ABCA13: variants seen among roughly 807,000 people sequenced by gnomAD.
ABCA13 encodes ATP-binding cassette sub-family A member 13.
In ABCA13, 476 loss-of-function variants were observed where a neutral mutation model predicts 478.7. That is an observed-to-expected ratio of 0.99 (90% CI 0.92 to 1.07). The LOEUF is 1.07. ABCA13 is among the 50% of genes least tolerant of loss of function. ABCA13 has a pLI of 0.00. For synonymous variants in ABCA13, 2,252 were observed against 2,158.9 expected, an observed-to-expected ratio of 1.04 and a Z score of -1.20; for missense variants, 6,060 against 5,910.6, an observed-to-expected ratio of 1.03 and a Z score of -0.83.
rs1458931190 is a variant in ABCA13 at position 48,306,192 on chromosome 7, G to A, written c.9322-3755G>A. 2.0e-5 allele frequency among the ~76,000 whole-genome samples: 3 copies of A among 152,318 alleles called. No homozygotes were observed. In the East Asian group the frequency reaches 5.8e-4, roughly 29 times the overall value. ...GGCTTCTGTGCATTGTGACTGCGGA[G>A]CTTCCACATGACAGGGTGTGGGATC... On this transcript the variant is annotated intron_variant, in intron 23 of 61. Transcript: ENST00000435803.
chr7:48,293,348 A>G (rs1467831054), intron 20 of ABCA13, among the ~76,000 whole-genome samples: 2 of 152,178 alleles, frequency 1.3e-5, no homozygotes, highest in Non-Finnish European at 2.9e-5. Context: ...GGCCACTTGA[A>G]TGATTCATGA....
intron 23 of ABCA13, among the ~76,000 whole-genome samples, chr7:48,308,674 T>C (rs536754800): frequency 6.6e-6 from 1 of 152,076 alleles, no homozygotes; most frequent in South Asian, 2.1e-4. Context: ...ATGTGGTTTG[T>C]CATCATGTAC....
chr7:48,541,013 A>C (rs1401861460), intron 55 of ABCA13, among the ~76,000 whole-genome samples: 1 of 152,156 alleles, frequency 6.6e-6, no homozygotes, highest in Non-Finnish European at 1.5e-5. Context: ...ATTTAAGACT[A>C]AGATTTGTTT....
chr7:48,638,644 T>C (rs1794876783), intron 59 of ABCA13, among the ~76,000 whole-genome samples: 1 of 152,140 alleles, frequency 6.6e-6, no homozygotes, highest in Non-Finnish European at 1.5e-5. Flanking sequence ...TAACTGAAGT[T>C]GAAATAATAA....
chr7:48,538,936 A>T (rs1833779045), intron 55 of ABCA13, among the ~76,000 whole-genome samples: 1 of 152,210 alleles, frequency 6.6e-6, no homozygotes, highest in Non-Finnish European at 1.5e-5. Context: ...TTGGCCTACA[A>T]ACTTTGCTGA....
chr7:48,588,340 A>T lies in ABCA13; in HGVS notation c.14640+1052A>T, dbSNP rs143256583. On this transcript the variant is annotated intron_variant, in intron 57 of 61. Transcript: ENST00000435803. The stretch of plus-strand genomic sequence containing the variant: ...AACATGAGGCAGGATTATGTTGAGT[A>T]GTTAACAAGACGTGGGCATTCATTA... 1.8e-3 allele frequency among the ~76,000 whole-genome samples: 278 copies of T among 152,356 alleles called. 1 individual carries two copies. The highest frequency in any genetic ancestry group is 6.3e-3 in the African/African-American group (262 of 41,588).
At chr7:48,303,361 T>C (rs1228465739) in intron 23 of ABCA13, among the ~76,000 whole-genome samples, 6 of 152,200 alleles carry the variant, frequency 3.9e-5, no homozygotes, top group Non-Finnish European at 8.8e-5. Context: ...TTTTCAATTT[T>C]TGCTTTTCTT....
At chr7:48,632,030 T>G (rs931001204) in intron 59 of ABCA13, among the ~76,000 whole-genome samples, 6 of 152,166 alleles carry the variant, frequency 3.9e-5, no homozygotes, top group African/African-American at 1.4e-4. Context: ...AACTGAGACT[T>G]TACTGAATTC....
rs764948636 is a variant in ABCA13, at chr7:48,410,565, C to T, written c.12116C>T (p.Ala4039Val). The T allele has an allele frequency of 1.9e-5, 31 of 1,613,908 alleles. No individual in the cohort carries two copies. The highest frequency in any genetic ancestry group is 7.7e-5 in the South Asian group (7 of 91,090). ...FTTHHLDEAE[A>V]LSDRVAVLQH... The stretch of plus-strand genomic sequence containing the variant: ...ACCCACCACCTGGATGAAGCTGAAG[C>T]GCTGAGTGACCGCGTGGCCGTCCTC... The change falls in exon 40 of 62, where the codon GCG (alanine) becomes GTG (valine). Residue 4039 changes from alanine to valine, a missense_variant. By Grantham distance (64) the Ala-to-Val change is moderately conservative (BLOSUM62 0). This residue lies in a region of ABCA13 where 1,627 missense variants were observed against 1,571.0 expected (regional missense o/e 1.04). Transcript: ENST00000435803.
Position 48,272,333 on chromosome 7 carries a change from A to G in ABCA13, c.2667A>G (p.Ile889Met), listed in dbSNP as rs571585080. The change falls in exon 17 of 62, where the codon ATA (isoleucine) becomes ATG (methionine). Residue 889 changes from isoleucine to methionine, a missense_variant. Ile to Met is a conservative substitution (Grantham distance 10). This residue lies in a region of ABCA13 where 4,423 missense variants were observed against 4,309.1 expected (regional missense o/e 1.03). Coordinates refer to ENST00000435803, the MANE Select transcript of ABCA13 (RefSeq NM_152701.5). ...SDWPKSPAMN[I>M]DFVRLSEAII... ...GGCCTAAATCACCAGCTATGAACAT[A>G]GATTTTGTACGTTTAAGTGAGGCTA... is the stretch of plus-strand genomic sequence containing the variant. 3.7e-6 allele frequency: 6 copies of G among 1,613,768 alleles called. No individual in the cohort carries two copies. The Admixed American group carries it at 8.3e-5, about 22-fold the overall frequency.
chr7:48,619,846 C>G (rs921111208), intron 59 of ABCA13, among the ~76,000 whole-genome samples: 7 of 152,150 alleles, frequency 4.6e-5, no homozygotes, highest in African/African-American at 1.7e-4. Context: ...CATTACTCCC[C>G]AGACCCAGGG....
chr7:48,293,199 C>CCG (rs1554419731), intron 20 of ABCA13, among the ~76,000 whole-genome samples: 1 of 135,752 alleles, frequency 7.4e-6, no homozygotes, highest in Non-Finnish European at 1.7e-5. Context: ...TCAGCCCCCC[C>CCG]CCCGCCACAC....
At chr7:48,527,284 C>G (rs1351994902) in intron 54 of ABCA13, among the ~76,000 whole-genome samples, 1 of 151,986 alleles carries the variant, frequency 6.6e-6, no homozygotes, top group Non-Finnish European at 1.5e-5. Flanking sequence ...GTAATTGAAG[C>G]AGATGGCAAC....
intron 48 of ABCA13, among the ~76,000 whole-genome samples, chr7:48,492,805 C>T (rs1276574229): frequency 6.6e-6 from 1 of 151,990 alleles, no homozygotes; most frequent in African/African-American, 2.4e-5. Context: ...GCAGGTGTAT[C>T]ACCTGAACTC....
intron 55 of ABCA13, among the ~76,000 whole-genome samples, chr7:48,529,368 T>A (rs540614339): frequency 1.3e-5 from 2 of 152,274 alleles, no homozygotes; most frequent in African/African-American, 4.8e-5. Flanking sequence ...TGTCCTCGTA[T>A]CCCATTCTTT....
At chr7:48,240,198 G>C (rs1251776826) in intron 9 of ABCA13, among the ~76,000 whole-genome samples, 1 of 152,220 alleles carries the variant, frequency 6.6e-6, no homozygotes, top group Admixed American at 6.5e-5. Context: ...GTTGTCGTCT[G>C]CTTCGTGGCA....
chr7:48,224,756 G>A (rs1787905092), intron 5 of ABCA13, among the ~76,000 whole-genome samples: 1 of 152,074 alleles, frequency 6.6e-6, no homozygotes, highest in Non-Finnish European at 1.5e-5. Context: ...CAGTGATGTT[G>A]TTCAGAGCGT....
chr7:48,532,443 T>TTGGTG (rs1833301607), intron 55 of ABCA13, among the ~76,000 whole-genome samples: 3 of 152,090 alleles, frequency 2.0e-5, no homozygotes, highest in Admixed American at 2.0e-4. Context: ...ATTAGGGATA[T>TTGGTG]TGGTGTGTTG....
chr7:48,172,755 G>C (rs1038727789), intron 1 of ABCA13, among the ~76,000 whole-genome samples: 1 of 121,574 alleles, frequency 8.2e-6, no homozygotes, highest in Non-Finnish European at 1.6e-5. Flanking sequence ...CCGAGATCGC[G>C]CCACTGCACT....
Sources: gnomAD v4.1 joint callset for allele counts (sites outside exome capture counted in the v4.1 genomes callset) on GRCh38, gnomAD v4.1.1 for gene constraint, gnomAD v4.1.1 regional missense constraint, MANE v1.5 for transcripts, NCBI Gene and HGNC (gene_info 2026-07-23, HGNC 2026-07-21) for gene names.